NELFB: variants seen among roughly 807,000 people sequenced by gnomAD.
The protein encoded by NELFB is negative elongation factor complex member B.
A neutral mutation model predicts 60.2 loss-of-function variants in NELFB; 34 were observed. The observed-to-expected ratio is 0.56, with a 90% confidence interval of 0.43 to 0.75. The LOEUF is 0.75. Ranked by LOEUF, NELFB falls within the 30% of genes least tolerant of loss-of-function variation. The probability of loss-of-function intolerance (pLI) is 0.00; values close to 1 mark genes in which losing one functional copy is unlikely to be tolerated. For missense variants in NELFB, 770 were observed against 831.6 expected, an observed-to-expected ratio of 0.93 and a Z score of 0.91; for synonymous variants, 459 against 382.1, an observed-to-expected ratio of 1.20 and a Z score of -2.35.
At position 137,256,386 on chromosome 9, in the gene NELFB, C is replaced by G. The variant is rs73565771; in HGVS notation, c.468C>G (p.Ser156=). ...GCTTTTCTCTGGTGAAGATGCCGTC[C>G]CTGCAGCCCGTGGTGATGTGCGTCA... is the stretch of plus-strand genomic sequence containing the variant. Residue 156 remains serine (S), a synonymous_variant, in exon 3 of 13, where the codon TCC becomes TCG. Coordinates refer to ENST00000343053, the MANE Select transcript of NELFB (RefSeq NM_015456.5). 103 of 1,613,988 alleles carry G rather than the reference C, an allele frequency of 6.4e-5. No homozygotes were observed. The African/African-American group carries it at 1.2e-3, about 19-fold the overall frequency.
Position 137,269,891 on chromosome 9 carries a change from T to C in NELFB, c.1490-2190T>C, listed in dbSNP as rs1185443293. ...GTGGGATGTGCATTTTCAGTCACAT[T>C]TGGGGAGAGCACGCGTGTTCTTAAG... On this transcript the variant is annotated intron_variant, in intron 10 of 12. Transcript: ENST00000343053. The surrounding 1 kb of genome is among the most constrained non-coding windows in gnomAD (Gnocchi z 5.3). Among the ~76,000 whole-genome samples, 2 of 152,216 alleles carry C rather than the reference T, an allele frequency of 1.3e-5. No homozygotes were observed. The highest frequency in any genetic ancestry group is 2.1e-4 in the South Asian group (1 of 4,832).
chr9:137,262,968 G>A (rs746714495), intron 4 of NELFB, 69 bp from the exon 5 acceptor site: 5 of 1,548,872 alleles, frequency 3.2e-6, no homozygotes, highest in Admixed American at 3.4e-5. Flanking sequence ...CGCTGTCGCC[G>A]GGCGTGACGT....
In NELFB at chr9:137,264,262, C is replaced by T. The variant is rs867700400; in HGVS notation, c.945C>T (p.Asp315=). Reference sequence around the variant, plus strand: ...CCTTGCAGTTCACCTGGTGCCTGGACGCCTGCATCCGAGAGCGGTTCGTGG... The same window carrying T: ...CCTTGCAGTTCACCTGGTGCCTGGATGCCTGCATCCGAGAGCGGTTCGTGG... Residue 315 remains aspartate, a synonymous_variant, in exon 6 of 13, where the codon GAC becomes GAT. Coordinates refer to ENST00000343053, the MANE Select transcript of NELFB (RefSeq NM_015456.5). 3.1e-5 allele frequency: 50 copies of T among 1,595,432 alleles called. No homozygotes were observed. The highest frequency in any genetic ancestry group is 3.8e-5 in the Non-Finnish European group (45 of 1,172,292).
Position 137,256,997 on chromosome 9 carries a change from G to T in NELFB, c.684G>T (p.Glu228Asp). The T allele has an allele frequency of 6.2e-7, 1 of 1,614,026 alleles. No individual in the cohort carries two copies. The highest frequency in any genetic ancestry group is 1.1e-5 in the South Asian group (1 of 91,092). The change falls in exon 4 of 13, where the codon GAG (glutamate) becomes GAT (aspartate). Residue 228 changes from glutamate (E) to aspartate (D), a missense_variant. Physicochemically the swap from Glu to Asp is conservative, Grantham distance 45. Transcript: ENST00000343053. Reference sequence around the variant, plus strand: ...AGGAGAGCGCTCTCTTCAGTACAGAGCTCTCTGTCCTGCACAACTTTTTCA... The same window carrying T: ...AGGAGAGCGCTCTCTTCAGTACAGATCTCTCTGTCCTGCACAACTTTTTCA...
In NELFB at chr9:137,273,017, G is replaced by C. The variant is rs917809487; in HGVS notation, c.*89G>C. 12 of 1,362,414 alleles carry C rather than the reference G, an allele frequency of 8.8e-6. No individual in the cohort carries two copies. Among genetic ancestry groups the C allele is most frequent in the Non-Finnish European group, 9.7e-6 (10 of 1,026,714 alleles). The allele number at this position is 1,362,414 out of a possible 1,614,324, so 84.4% of individuals were successfully genotyped here. ...AGGCTCCCGGACCTGGATGTACAGG[G>C]CAGTCTCTCTTCCCGGGGCTATGGC... is the stretch of plus-strand genomic sequence containing the variant. On this transcript the variant is annotated 3_prime_UTR_variant, in exon 13 of 13. Transcript: ENST00000343053.
rs1837533461 is a variant in NELFB at position 137,255,406 on chromosome 9, G to T, written c.41G>T (p.Gly14Val). The change falls in exon 1 of 13, where the codon GGT becomes GTT. Residue 14 changes from glycine (G) to valine (V), a missense_variant. Gly to Val is a moderately radical substitution (Grantham distance 109). Transcript: ENST00000343053. ...GGCGCCGGGGAGCGGGGCTCGGGCG[G>T]TCCCCGAGGCCCGGCGGAGCGGGCT... is the stretch of plus-strand genomic sequence containing the variant. 1 of 984,846 alleles carries T rather than the reference G, an allele frequency of 1.0e-6. No individual in the cohort carries two copies. Among genetic ancestry groups the T allele is most frequent in the Non-Finnish European group, 1.4e-6 (1 of 734,908 alleles). 61.0% of individuals were successfully genotyped at this position (984,846 alleles called of 1,614,324 possible). A position where few individuals can be genotyped will look rare whatever the true frequency, so the allele number is the denominator to read the frequency against.
At chr9:137,264,817 G>A (rs1214339701) in intron 6 of NELFB, among the ~76,000 whole-genome samples, 1 of 152,080 alleles carries the variant, frequency 6.6e-6, no homozygotes, top group Non-Finnish European at 1.5e-5. Flanking sequence ...CCACAGCTTA[G>A]GGACATGGTT....
In NELFB at chr9:137,264,242, C is replaced by G; in HGVS notation, c.928-3C>G. On this transcript the variant is annotated splice_region_variant and splice_polypyrimidine_tract_variant and intron_variant, in intron 5 of 12. Coordinates refer to ENST00000343053, the MANE Select transcript of NELFB (RefSeq NM_015456.5). Reference sequence around the variant, plus strand: ...TGGTCCCGACCGTGCTTCCTCCTTGCAGTTCACCTGGTGCCTGGACGCCTG... The same window carrying G: ...TGGTCCCGACCGTGCTTCCTCCTTGGAGTTCACCTGGTGCCTGGACGCCTG... 1 of 1,580,188 alleles carries G rather than the reference C, an allele frequency of 6.3e-7. No individual in the cohort carries two copies. Among genetic ancestry groups the G allele is most frequent in the Non-Finnish European group, 8.6e-7 (1 of 1,163,868 alleles).
At position 137,263,123 on chromosome 9, in the gene NELFB, C is replaced by T. The variant is rs1830473732; in HGVS notation, c.828C>T (p.Arg276=). Residue 276 remains arginine (R), a synonymous_variant, in exon 5 of 13, where the codon CGC becomes CGT. Transcript: ENST00000343053. ...AGTTTCTGCGCACGCTCTTCCTGCGCACGCGGAATGTGCACTACTGCACGC... is the reference window on the plus strand; with the variant it reads ...AGTTTCTGCGCACGCTCTTCCTGCGTACGCGGAATGTGCACTACTGCACGC... 1.2e-5 allele frequency: 20 copies of T among 1,614,122 alleles called. No individual in the cohort carries two copies. The highest frequency in any genetic ancestry group is 1.6e-5 in the Non-Finnish European group (19 of 1,179,998).
At chr9:137,258,038 G>A (rs1249483486) in intron 4 of NELFB, among the ~76,000 whole-genome samples, 1 of 150,046 alleles carries the variant, frequency 6.7e-6, no homozygotes, top group Non-Finnish European at 1.5e-5. Flanking sequence ...CTCCTGGGCT[G>A]AAGCGATCCT....
At chr9:137,262,256 G>A (rs1031818697) in intron 4 of NELFB, among the ~76,000 whole-genome samples, 1 of 152,162 alleles carries the variant, frequency 6.6e-6, no homozygotes, top group Admixed American at 6.5e-5. Context: ...CGGGGAAAGG[G>A]AGACTCCCTT....
intron 4 of NELFB, among the ~76,000 whole-genome samples, chr9:137,258,294 G>A (rs1420810672): frequency 5.5e-5 from 8 of 145,868 alleles, no homozygotes; most frequent in African/African-American, 2.0e-4. Flanking sequence ...TGGCTAATTT[G>A]TATACTTTTT....
At chr9:137,260,785 G>A (rs557799737) in intron 4 of NELFB, among the ~76,000 whole-genome samples, 1 of 152,166 alleles carries the variant, frequency 6.6e-6, no homozygotes, top group East Asian at 2.0e-4. Flanking sequence ...ATTAGGCCGG[G>A]TGCGGTGGCT....
rs186402159 is a variant in NELFB at position 137,266,529 on chromosome 9, T to G, written c.1239+103T>G. ...AGCAAGGTGATTGTGGAGGCCCCTT[T>G]GGTCCCAAAGCTTCCTTCCTGGAGC... On this transcript the variant is annotated intron_variant, in intron 8 of 12. Transcript: ENST00000343053. The G allele has an allele frequency of 5.9e-5, 59 of 1,005,414 alleles. No homozygotes were observed. The East Asian group carries it at 1.4e-3, about 24-fold the overall frequency. The allele number at this position is 1,005,414 out of a possible 1,614,324, so 62.3% of individuals were successfully genotyped here.
At chr9:137,257,533 G>A (rs1341859629) in intron 4 of NELFB, among the ~76,000 whole-genome samples, 4 of 140,988 alleles carry the variant, frequency 2.8e-5, no homozygotes, top group East Asian at 4.1e-4. Flanking sequence ...ACGGAGTTTC[G>A]CTATTGTTGC....
At position 137,260,464 on chromosome 9, in the gene NELFB, T is replaced by A. The variant is rs879758461; in HGVS notation, c.742-2573T>A. Reference sequence around the variant, plus strand: ...TTTATTTTAGTTTGTTTTATTTTTTTTTTTTTGAGACGTAGTGTCCTTCTG... The same window carrying A: ...TTTATTTTAGTTTGTTTTATTTTTTATTTTTTGAGACGTAGTGTCCTTCTG... On this transcript the variant is annotated intron_variant, in intron 4 of 12. Transcript: ENST00000343053. Among the ~76,000 whole-genome samples, 612 of 150,460 alleles carry A rather than the reference T, an allele frequency of 4.1e-3. 2 individuals carry two copies. The highest frequency in any genetic ancestry group is 7.8e-3 in the Admixed American group (118 of 15,162).
In NELFB at chr9:137,272,971, G is replaced by A. The variant is rs759889764; in HGVS notation, c.*43G>A. The A allele has an allele frequency of 8.8e-6, 13 of 1,469,070 alleles. No homozygotes were observed. Among genetic ancestry groups the A allele is most frequent in the African/African-American group, 4.2e-5 (3 of 70,668 alleles). 91.0% of individuals were successfully genotyped at this position (1,469,070 alleles called of 1,614,324 possible). A position where few individuals can be genotyped will look rare whatever the true frequency, so the allele number is the denominator to read the frequency against. On this transcript the variant is annotated 3_prime_UTR_variant, in exon 13 of 13. Coordinates refer to ENST00000343053, the MANE Select transcript of NELFB (RefSeq NM_015456.5). Reference sequence around the variant, plus strand: ...TCGGGTGCTGGGGCCATGCCGAGTCGCGGCCCTGCTCAGCCGGAAGAGGCT... The same window carrying A: ...TCGGGTGCTGGGGCCATGCCGAGTCACGGCCCTGCTCAGCCGGAAGAGGCT...
intron 4 of NELFB, among the ~76,000 whole-genome samples, chr9:137,260,856 C>T (rs962517052): frequency 1.1e-4 from 16 of 150,602 alleles, no homozygotes; most frequent in Admixed American, 4.0e-4. Context: ...GTCAGGAGTT[C>T]GAGACCAGCC....
chr9:137,265,386 G>GGTTTTTT (rs1564444248), intron 6 of NELFB, among the ~76,000 whole-genome samples: 1 of 50,992 alleles, frequency 2.0e-5, no homozygotes, highest in Non-Finnish European at 4.6e-5. Flanking sequence ...CAAACCTTAA[G>GGTTTTTT]CTTTTTTTTT....
Sources: allele counts gnomAD v4.1 joint callset (sites outside exome capture counted in the v4.1 genomes callset), GRCh38; gene constraint gnomAD v4.1.1; non-coding constraint Gnocchi (gnomAD v3.1); transcripts MANE v1.5; gene names NCBI Gene and HGNC (gene_info 2026-07-23, HGNC 2026-07-21).